CNTN5: variants seen among roughly 807,000 people sequenced by gnomAD.
CNTN5 encodes the protein contactin-5.
A neutral mutation model predicts 129.1 loss-of-function variants in CNTN5; 77 were observed. The observed-to-expected ratio is 0.60, with a 90% CI of 0.50 to 0.72. The LOEUF is 0.72. Ranked by LOEUF, CNTN5 falls within the 30% of genes least tolerant of loss-of-function variation. The probability of loss-of-function intolerance (pLI) is 0.00; values close to 1 mark genes in which losing one functional copy is unlikely to be tolerated. For synonymous variants in CNTN5, 509 were observed against 465.6 expected (o/e 1.09, Z -1.20); for missense variants, 1,478 against 1,328.8 (o/e 1.11, Z -1.75).
chr11:99,109,560 C>T (rs1857687569), intron 1 of CNTN5, among the ~76,000 whole-genome samples: 1 of 152,108 alleles, frequency 6.6e-6, no homozygotes, highest in Non-Finnish European at 1.5e-5. Context: ...GTATCCCATT[C>T]CATCACTCTT....
chr11:100,319,809 C>G (rs1951650004), intron 21 of CNTN5, among the ~76,000 whole-genome samples: 1 of 152,112 alleles, frequency 6.6e-6, no homozygotes, highest in African/African-American at 2.4e-5. Flanking sequence ...TGGTATTTGT[C>G]TTTCTGTGCC....
At chr11:99,065,471 A>G (rs1245680266) in intron 1 of CNTN5, among the ~76,000 whole-genome samples, 3 of 152,206 alleles carry the variant, frequency 2.0e-5, no homozygotes, top group Non-Finnish European at 2.9e-5. Flanking sequence ...TCTTAAAACC[A>G]TCAATAAATT....
At chr11:99,148,931 C>T (rs1403646332) in intron 1 of CNTN5, among the ~76,000 whole-genome samples, 1 of 151,870 alleles carries the variant, frequency 6.6e-6, no homozygotes, top group South Asian at 2.1e-4. Flanking sequence ...ACCCTTCTAT[C>T]CTCAATTTTA....
chr11:100,347,670 T>C (rs1952314833), intron 23 of CNTN5, among the ~76,000 whole-genome samples: 1 of 152,044 alleles, frequency 6.6e-6, no homozygotes, highest in South Asian at 2.1e-4. Context: ...CTGCAGGCAG[T>C]GAATTCTCAC....
intron 1 of CNTN5, among the ~76,000 whole-genome samples, chr11:99,098,036 T>C (rs1394252351): frequency 6.6e-6 from 1 of 152,048 alleles, no homozygotes; most frequent in African/African-American, 2.4e-5. Flanking sequence ...CTAGGTTCTG[T>C]TAGAAAATGT....
chr11:99,897,517 G>A (rs1051712883), intron 6 of CNTN5, among the ~76,000 whole-genome samples: 8 of 151,686 alleles, frequency 5.3e-5, no homozygotes, highest in Admixed American at 3.3e-4. Context: ...AAAAAAAAAT[G>A]TCAGCTAAGA....
At chr11:99,865,539 C>G (rs1948332092) in intron 6 of CNTN5, among the ~76,000 whole-genome samples, 1 of 151,284 alleles carries the variant, frequency 6.6e-6, no homozygotes, top group African/African-American at 2.4e-5. Flanking sequence ...TATAAAATAA[C>G]TGCCAAATGA....
chr11:99,032,535 T>C (rs1024539942), intron 1 of CNTN5, among the ~76,000 whole-genome samples: 3 of 152,014 alleles, frequency 2.0e-5, no homozygotes, highest in Non-Finnish European at 2.9e-5. Context: ...GAGCATTTTT[T>C]CATGTGTTTT....
intron 1 of CNTN5, among the ~76,000 whole-genome samples, chr11:99,305,459 T>C (rs1321923118): frequency 6.6e-6 from 1 of 152,160 alleles, no homozygotes; most frequent in Non-Finnish European, 1.5e-5. Flanking sequence ...TGTATCAAAA[T>C]AAGGAATGAA....
At chr11:99,613,658 A>AT (rs1381498693) in intron 3 of CNTN5, among the ~76,000 whole-genome samples, 3 of 149,698 alleles carry the variant, frequency 2.0e-5, no homozygotes, top group Non-Finnish European at 4.4e-5. Context: ...GGCATTAAAT[A>AT]TAAAAAACTA....
intron 1 of CNTN5, among the ~76,000 whole-genome samples, chr11:99,171,298 G>A (rs1861138315): frequency 6.6e-6 from 1 of 152,164 alleles, no homozygotes; most frequent in Non-Finnish European, 1.5e-5. Context: ...AGAGAGTGAT[G>A]TCAAAATTTG....
At chr11:99,846,126 A>G (rs998175488) in intron 6 of CNTN5, among the ~76,000 whole-genome samples, 3 of 86,940 alleles carry the variant, frequency 3.5e-5, no homozygotes, top group Non-Finnish European at 6.9e-5. Flanking sequence ...CTATACGGAC[A>G]TAGACACACA....
chr11:100,021,420 C>T (rs908417448), intron 9 of CNTN5, among the ~76,000 whole-genome samples: 14 of 152,108 alleles, frequency 9.2e-5, no homozygotes, highest in African/African-American at 3.4e-4. Flanking sequence ...TTGAAATTTT[C>T]TAATATATTT....
At chr11:99,867,794 C>T (rs989010462) in intron 6 of CNTN5, among the ~76,000 whole-genome samples, 1 of 152,164 alleles carries the variant, frequency 6.6e-6, no homozygotes, top group African/African-American at 2.4e-5. Flanking sequence ...TGTAGCCTAA[C>T]ATAGTCAAAG....
chr11:100,147,516 T>C (rs781508067), intron 13 of CNTN5, among the ~76,000 whole-genome samples: 19 of 152,230 alleles, frequency 1.2e-4, no homozygotes, highest in Middle Eastern at 6.8e-3. Context: ...CCTGCAACTC[T>C]TGCCTGCAGC....
chr11:99,039,824 C>T (rs11218152), intron 1 of CNTN5, among the ~76,000 whole-genome samples: 1,867 of 152,158 alleles, frequency 0.012, 39 homozygotes, highest in African/African-American at 0.043. Context: ...CCCTATCTAA[C>T]ATTTAAAAGG....
rs567808598 is a variant in CNTN5, at chr11:99,452,636, G to C, written c.-70-103509G>C. Reference sequence around the variant, plus strand: ...ATCTGCCCGCCCTTGGCCTCCCAAAGTGCTGGGATTACAGGTGTGAGCCAC... The same window carrying C: ...ATCTGCCCGCCCTTGGCCTCCCAAACTGCTGGGATTACAGGTGTGAGCCAC... On this transcript the variant is annotated intron_variant, in intron 2 of 24. Transcript: ENST00000524871. 2.0e-5 allele frequency among the ~76,000 whole-genome samples: 3 copies of C among 152,160 alleles called. No individual in the cohort carries two copies. In the East Asian group the frequency reaches 5.8e-4, roughly 29 times the overall value.
chr11:99,556,224 T>C lies in CNTN5; in HGVS notation c.10T>C (p.Ser4Pro). The stretch of plus-strand genomic sequence containing the variant: ...ATTCTAGTGACTGAGGATGGCTTCC[T>C]CTTGGAAACTAATGCTGTTTCTGTC... MASSWKLMLFLSVT... is the reference protein window; with the variant it reads MASPWKLMLFLSVT... Residue 4 changes from serine to proline, a missense_variant, in exon 3 of 25, where the codon TCT (serine) becomes CCT (proline). By Grantham distance (74) the Ser-to-Pro change is moderately conservative. Coordinates refer to ENST00000524871, the MANE Select transcript of CNTN5 (RefSeq NM_014361.4). 6.6e-7 allele frequency: 1 copy of C among 1,515,088 alleles called. No homozygotes were observed. The highest frequency in any genetic ancestry group is 8.9e-7 in the Non-Finnish European group (1 of 1,123,356). 93.9% of individuals were successfully genotyped at this position (1,515,088 alleles called of 1,614,324 possible). A position where few individuals can be genotyped will look rare whatever the true frequency, so the allele number is the denominator to read the frequency against.
chr11:99,202,013 G>T (rs528878009), intron 1 of CNTN5, among the ~76,000 whole-genome samples: 1 of 152,096 alleles, frequency 6.6e-6, no homozygotes, highest in Non-Finnish European at 1.5e-5. Context: ...TATGTCATTC[G>T]TATTTAGAAA....
Sources: gnomAD v4.1 joint callset for allele counts (sites outside exome capture counted in the v4.1 genomes callset) on GRCh38, gnomAD v4.1.1 for gene constraint, MANE v1.5 for transcripts, NCBI Gene and HGNC (gene_info 2026-07-23, HGNC 2026-07-21) for gene names.